Variants in RFX3 observed in about 807,000 individuals in gnomAD.
The protein encoded by RFX3 is transcription factor RFX3.
RFX3 carries 14 observed loss-of-function variants against 98.6 expected under a neutral mutation model. The ratio of observed to expected loss-of-function variants is 0.14; its 90% CI spans 0.09 to 0.22. The LOEUF is 0.22. Among genes scored for constraint, RFX3 ranks in the 10% least tolerant of loss-of-function variants. The probability of loss-of-function intolerance (pLI) is 1.00; values close to 1 mark genes in which losing one functional copy is unlikely to be tolerated. For synonymous variants in RFX3, 383 were observed against 328.4 expected (o/e 1.17, Z -1.80); for missense variants, 639 against 926.9 (o/e 0.69, Z 4.03).
intron 1 of RFX3, among the ~76,000 whole-genome samples, chr9:3,479,398 CACTT>C (rs1376080883): frequency 2.0e-5 from 3 of 152,080 alleles, no homozygotes; most frequent in African/African-American, 4.8e-5. Flanking sequence ...AACAAACCCT[CACTT>C]AGTTTGATTT....
chr9:3,462,656 A>T (rs1372181081), intron 1 of RFX3, among the ~76,000 whole-genome samples: 2 of 152,042 alleles, frequency 1.3e-5, no homozygotes, highest in Non-Finnish European at 2.9e-5. Flanking sequence ...AGTTTACCAA[A>T]AATTAAATAA....
rs2130523997 is a variant in RFX3, at chr9:3,223,298, T to A, written c.*1744A>T. ...AAGAACCTTGGCTTTTCATGCAAAT[T>A]AAAATGGGGCTGGGTGTAACTCTCT... On this transcript the variant is annotated 3_prime_UTR_variant, in exon 17 of 17. Transcript: ENST00000617270. The A allele has an allele frequency of 6.6e-6, 1 of 152,286 alleles. No homozygotes were observed. 9.4% of individuals were successfully genotyped at this position (152,286 alleles called of 1,614,324 possible). A position where few individuals can be genotyped will look rare whatever the true frequency, so the allele number is the denominator to read the frequency against.
At position 3,429,029 on chromosome 9, in the gene RFX3, T is replaced by A. The variant is rs370713256; in HGVS notation, c.-8-33433A>T. On this transcript the variant is annotated intron_variant, in intron 1 of 16. Coordinates refer to ENST00000617270, the MANE Select transcript of RFX3 (RefSeq NM_001282116.2). ...TCTTTTTAATTTTTAGTTACTCTTTTTTTTTTTTTTTGAGACGGAGTCTCG... is the reference window on the plus strand; with the variant it reads ...TCTTTTTAATTTTTAGTTACTCTTTATTTTTTTTTTTGAGACGGAGTCTCG... 2.6e-4 allele frequency among the ~76,000 whole-genome samples: 39 copies of A among 150,708 alleles called. 1 individual carries two copies. The South Asian group carries it at 6.9e-3, about 27-fold the overall frequency.
rs186445231 is a variant in RFX3 at position 3,373,712 on chromosome 9, G to A, written c.117+21760C>T. ...CAGACCTGTTTGCCAAAAGCAGGAG[G>A]ACAAAAAGTATAGGAGGAGGAGAAG... On this transcript the variant is annotated intron_variant, in intron 2 of 16. Coordinates refer to ENST00000617270, the MANE Select transcript of RFX3 (RefSeq NM_001282116.2). 1.6e-4 allele frequency among the ~76,000 whole-genome samples: 25 copies of A among 152,244 alleles called. No individual in the cohort carries two copies. The East Asian group carries it at 4.4e-3, about 27-fold the overall frequency.
intron 1 of RFX3, among the ~76,000 whole-genome samples, chr9:3,464,836 G>A (rs1237477239): frequency 1.3e-5 from 2 of 152,024 alleles, no homozygotes; most frequent in Admixed American, 1.3e-4. Context: ...TATACTGGTG[G>A]GAATGTTTGA....
intron 1 of RFX3, among the ~76,000 whole-genome samples, chr9:3,444,228 C>T (rs1253177528): frequency 6.6e-6 from 1 of 151,854 alleles, no homozygotes; most frequent in African/African-American, 2.4e-5. Flanking sequence ...TACTACTCAT[C>T]AATAAAAAGG....
At chr9:3,343,304 C>T (rs1238368978) in intron 3 of RFX3, among the ~76,000 whole-genome samples, 1 of 152,088 alleles carries the variant, frequency 6.6e-6, no homozygotes, top group East Asian at 1.9e-4. Flanking sequence ...AGATCAGAGT[C>T]CCTATCTTCT....
intron 1 of RFX3, among the ~76,000 whole-genome samples, chr9:3,463,534 G>A (rs148159340): frequency 4.0e-4 from 60 of 151,362 alleles, no homozygotes; most frequent in Admixed American, 2.0e-3. Context: ...TCTTTGAAAA[G>A]GCACACTTAA....
At chr9:3,248,833 G>A (rs1443254801) in intron 14 of RFX3, among the ~76,000 whole-genome samples, 4 of 151,990 alleles carry the variant, frequency 2.6e-5, no homozygotes, top group Admixed American at 6.6e-5. Flanking sequence ...TAAGAAATGC[G>A]TTATTTTTGA....
At chr9:3,402,976 G>T (rs1489830235) in intron 1 of RFX3, among the ~76,000 whole-genome samples, 1 of 151,806 alleles carries the variant, frequency 6.6e-6, no homozygotes, top group East Asian at 1.9e-4. Context: ...CAATGATGGG[G>T]CATAGTAGAA....
intron 1 of RFX3, among the ~76,000 whole-genome samples, chr9:3,517,703 C>A (rs1818312227): frequency 1.3e-5 from 2 of 152,234 alleles, no homozygotes; most frequent in African/African-American, 4.8e-5. Context: ...CCCTAAGGTA[C>A]TTAGCCAGAG....
intron 1 of RFX3, among the ~76,000 whole-genome samples, chr9:3,496,820 A>C (rs1851137954): frequency 6.6e-6 from 1 of 152,004 alleles, no homozygotes; most frequent in African/African-American, 2.4e-5. Flanking sequence ...CACTTCATGC[A>C]AGATGCATCA....
At chr9:3,376,068 T>A (rs766495583) in intron 2 of RFX3, among the ~76,000 whole-genome samples, 14 of 152,196 alleles carry the variant, frequency 9.2e-5, no homozygotes, top group Non-Finnish European at 1.6e-4. Context: ...ATACAGTTGG[T>A]CAATAAGCAC....
chr9:3,425,210 G>C (rs1412415194), intron 1 of RFX3, among the ~76,000 whole-genome samples: 1 of 152,228 alleles, frequency 6.6e-6, no homozygotes, highest in Non-Finnish European at 1.5e-5. Flanking sequence ...CTGCCCGCCA[G>C]CCTGGCAACA....
Position 3,222,346 on chromosome 9 carries a change from T to C in RFX3, c.*2696A>G, listed in dbSNP as rs560613862. 3 of 152,326 alleles carry C rather than the reference T, an allele frequency of 2.0e-5. No individual in the cohort carries two copies. Among genetic ancestry groups the C allele is most frequent in the Non-Finnish European group, 2.9e-5 (2 of 68,002 alleles). 9.4% of individuals were successfully genotyped at this position (152,326 alleles called of 1,614,324 possible). On this transcript the variant is annotated 3_prime_UTR_variant, in exon 17 of 17. Coordinates refer to ENST00000617270, the MANE Select transcript of RFX3 (RefSeq NM_001282116.2). ...AAATGTAATAATGTTTTATTAGTTC[T>C]TAATCTGTCCTAATTTAGAACAAAC...
At chr9:3,412,085 T>C (rs1435318689) in intron 1 of RFX3, among the ~76,000 whole-genome samples, 4 of 152,224 alleles carry the variant, frequency 2.6e-5, no homozygotes, top group African/African-American at 4.8e-5. Context: ...GCCAAAATAT[T>C]CAGTGTCTCA....
intron 1 of RFX3, among the ~76,000 whole-genome samples, chr9:3,523,286 C>T (rs4741834): frequency 0.045 from 6,779 of 152,162 alleles, 207 homozygotes; most frequent in East Asian, 0.1. Context: ...AAGAGAGTAT[C>T]AATACATAAC....
intron 5 of RFX3, among the ~76,000 whole-genome samples, chr9:3,300,630 T>C (rs760608032): frequency 2.0e-5 from 3 of 151,866 alleles, no homozygotes; most frequent in Non-Finnish European, 4.4e-5. Context: ...TCATAATACT[T>C]TATCCCTAAA....
At position 3,292,061 on chromosome 9, in the gene RFX3, CAAAAAAAAAAAAAAAAAAAAAAAAA is replaced by C. The variant is rs58788880; in HGVS notation, c.731+991_731+1015del. Among the ~76,000 whole-genome samples the C allele has an allele frequency of 6.7e-3, 161 of 23,946 alleles. 2 individuals are homozygous for C. Among genetic ancestry groups the C allele is most frequent in the African/African-American group, 0.022 (155 of 7,108 alleles). The allele number at this position is 23,946 out of a possible 152,430, so 15.7% of individuals were successfully genotyped here. ...ACAGAAACAGAGTGAGACTCCATCT[CAAAAAAAAAAAAAAAAAAAAAAAAA>C]AAAAAAAAAAAAAACTCTTTACGAA... On this transcript the variant is annotated intron_variant, in intron 6 of 16. Coordinates refer to ENST00000617270, the MANE Select transcript of RFX3 (RefSeq NM_001282116.2).
Sources: allele counts gnomAD v4.1 joint callset (sites outside exome capture counted in the v4.1 genomes callset), GRCh38; gene constraint gnomAD v4.1.1; transcripts MANE v1.5; gene names NCBI Gene and HGNC (gene_info 2026-07-23, HGNC 2026-07-21).